The following IGFBP2 variants were observed in gnomAD, a reference collection of about 807,000 sequenced individuals.
IGFBP2 encodes the protein insulin like growth factor binding protein 2, also known as insulin-like growth factor-binding protein 2.
IGFBP2 carries 12 observed loss-of-function variants against 26.2 expected under a neutral mutation model. That is an observed-to-expected ratio of 0.46 (90% CI 0.29 to 0.74). The LOEUF (loss-of-function observed/expected upper bound fraction) is 0.74. IGFBP2 is among the 30% of genes least tolerant of loss of function. The pLI, the probability that IGFBP2 is intolerant of heterozygous loss-of-function variation, is 0.09. For synonymous variants in IGFBP2, 189 were observed against 200.6 expected (o/e 0.94, Z 0.49); for missense variants, 328 against 441.2 (o/e 0.74, Z 2.30).
chr2:216,636,911 A>ACAGGCAGGCAGG (rs770168119), intron 1 of IGFBP2, among the ~76,000 whole-genome samples: 1 of 116,290 alleles, frequency 8.6e-6, no homozygotes, highest in African/African-American at 3.4e-5. Context: ...GGGCGGGCAG[A>ACAGGCAGGCAGG]CAGGCAGGCA....
At chr2:216,644,380 G>T (rs1021719160) in intron 1 of IGFBP2, among the ~76,000 whole-genome samples, 9 of 152,228 alleles carry the variant, frequency 5.9e-5, no homozygotes, top group Admixed American at 4.6e-4. Context: ...GCCTGGGGAG[G>T]TTTCTAATTA....
chr2:216,646,180 A>C (rs1322882052), intron 1 of IGFBP2, among the ~76,000 whole-genome samples: 1 of 152,214 alleles, frequency 6.6e-6, no homozygotes, highest in East Asian at 1.9e-4. Flanking sequence ...TCAATTTGTC[A>C]GGCCTGGAAT....
chr2:216,660,551 T>C lies in IGFBP2; in HGVS notation c.443-6T>C. 1 of 1,590,222 alleles carries C rather than the reference T, an allele frequency of 6.3e-7. No homozygotes were observed. The highest frequency in any genetic ancestry group is 1.1e-5 in the South Asian group (1 of 87,212). On this transcript the variant is annotated splice_polypyrimidine_tract_variant and splice_region_variant and intron_variant, in intron 1 of 3. Coordinates refer to ENST00000233809, the MANE Select transcript of IGFBP2 (RefSeq NM_000597.3). ...TGGAGCTTTTCTTCCCTTCCTCTCT[T>C]GGCAGACAATGGCGATGACCACTCA...
In IGFBP2 at chr2:216,664,053, C is replaced by A. The variant is rs1431691157; in HGVS notation, c.927C>A (p.Phe309Leu). 2 of 1,613,828 alleles carry A rather than the reference C, an allele frequency of 1.2e-6. No homozygotes were observed. Among genetic ancestry groups the A allele is most frequent in the Non-Finnish European group, 1.7e-6 (2 of 1,179,986 alleles). ...TIRGDPECHLFYNEQQEARGV... is the reference protein window; with the variant it reads ...TIRGDPECHLLYNEQQEARGV... ...GGGGGGACCCCGAGTGTCATCTCTT[C>A]TACAATGAGCAGCAGGAGGCTCGCG... The change falls in exon 4 of 4, where the codon TTC becomes TTA. Residue 309 changes from phenylalanine (F) to leucine (L), a missense_variant. By Grantham distance (22) the Phe-to-Leu change is conservative. Transcript: ENST00000233809. The surrounding 1 kb of genome is among the most constrained non-coding windows in gnomAD (Gnocchi z 4.6).
rs200421058 is a variant in IGFBP2 at position 216,660,646 on chromosome 2, C to G, written c.532C>G (p.Arg178Gly). Residue 178 changes from arginine (R) to glycine (G), a missense_variant, in exon 2 of 4, where the codon CGG (arginine) becomes GGG (glycine). Physicochemically the swap from Arg to Gly is moderately radical, Grantham distance 125. Transcript: ENST00000233809. ...GTTGGGCGGGGGAGGCAGTGCTGGC[C>G]GGAAGCCCCTCAAGTCGGGTATGAA... ...NMLGGGGSAG[R>G]KPLKSGMKEL... 9.3e-6 allele frequency: 15 copies of G among 1,613,858 alleles called. No homozygotes were observed. The highest frequency in any genetic ancestry group is 6.7e-5 in the Admixed American group (4 of 59,994).
intron 1 of IGFBP2, among the ~76,000 whole-genome samples, chr2:216,652,655 G>A (rs1339967661): frequency 6.6e-6 from 1 of 152,210 alleles, no homozygotes; most frequent in Non-Finnish European, 1.5e-5. Context: ...GATATTAATG[G>A]AGTCGTCTAG....
intron 2 of IGFBP2, 85 bp downstream of exon 2, chr2:216,660,871 CTCA>C: frequency 1.9e-6 from 2 of 1,052,866 alleles, no homozygotes; most frequent in Non-Finnish European, 2.8e-6. Context: ...TAATAAGACC[CTCA>C]TCTGGTGTGA....
intron 1 of IGFBP2, among the ~76,000 whole-genome samples, chr2:216,640,598 C>A (rs760391393): frequency 3.3e-5 from 5 of 152,144 alleles, no homozygotes; most frequent in Non-Finnish European, 7.3e-5. Flanking sequence ...CGAGGGAGGC[C>A]GTTCTACCTC....
intron 1 of IGFBP2, among the ~76,000 whole-genome samples, chr2:216,638,071 C>T (rs1697534738): frequency 6.6e-6 from 1 of 152,082 alleles, no homozygotes; most frequent in African/African-American, 2.4e-5. Context: ...GCCTGTAGTC[C>T]CAGCTGCTTG....
At chr2:216,659,881 G>A (rs879273721) in intron 1 of IGFBP2, 13 of 757,040 alleles carry the variant, frequency 1.7e-5, no homozygotes, top group East Asian at 5.4e-5. Context: ...TAGCTGCCTC[G>A]GAGCAGCACT....
chr2:216,649,025 G>A (rs530230834), intron 1 of IGFBP2, among the ~76,000 whole-genome samples: 3 of 152,086 alleles, frequency 2.0e-5, no homozygotes, highest in South Asian at 2.1e-4. Flanking sequence ...CCACTAGCAC[G>A]CAGTACTTAC....
chr2:216,663,507 G>A (rs1256675370), intron 3 of IGFBP2: 2 of 156,308 alleles, frequency 1.3e-5, no homozygotes, highest in Non-Finnish European at 2.8e-5. Context: ...TGAACTAGCA[G>A]TGTGTCTTGC....
intron 1 of IGFBP2, among the ~76,000 whole-genome samples, chr2:216,656,359 G>A (rs539171709): frequency 2.6e-5 from 4 of 152,308 alleles, no homozygotes; most frequent in East Asian, 1.9e-4. Flanking sequence ...GAAGGGTAGC[G>A]GAGGGGTCTT....
In IGFBP2 at chr2:216,653,998, C is replaced by T. The variant is rs149293079; in HGVS notation, c.443-6559C>T. 1.1e-4 allele frequency among the ~76,000 whole-genome samples: 16 copies of T among 152,264 alleles called. No homozygotes were observed. The East Asian group carries it at 2.5e-3, about 24-fold the overall frequency. On this transcript the variant is annotated intron_variant, in intron 1 of 3. Coordinates refer to ENST00000233809, the MANE Select transcript of IGFBP2 (RefSeq NM_000597.3). The stretch of plus-strand genomic sequence containing the variant: ...TGCTAAGAACCATTTCTTATAGTGA[C>T]CTTTGCACCATAGCCCATGGAGTTG...
At chr2:216,639,932 T>G (rs528045949) in intron 1 of IGFBP2, among the ~76,000 whole-genome samples, 2 of 152,300 alleles carry the variant, frequency 1.3e-5, no homozygotes, top group South Asian at 2.1e-4. Context: ...CGTGAACCAC[T>G]GCACCTGGCC....
intron 1 of IGFBP2, among the ~76,000 whole-genome samples, chr2:216,648,581 G>A (rs973445838): frequency 4.6e-5 from 7 of 152,120 alleles, no homozygotes; most frequent in African/African-American, 1.7e-4. Flanking sequence ...AAGATGAGGG[G>A]TGGTTGGTGT....
chr2:216,642,908 C>G (rs1697644172), intron 1 of IGFBP2, among the ~76,000 whole-genome samples: 1 of 152,184 alleles, frequency 6.6e-6, no homozygotes. Flanking sequence ...GGCTACATCT[C>G]TGGGTGGGGG....
intron 2 of IGFBP2, chr2:216,661,518 A>C: frequency 2.5e-6 from 1 of 398,206 alleles, no homozygotes; most frequent in Non-Finnish European, 4.8e-6. Flanking sequence ...AAAGAAGTGG[A>C]GCTTGGGCAT....
chr2:216,633,703 G>A lies in IGFBP2; in HGVS notation c.180G>A (p.Pro60=), dbSNP rs1697434575. The change falls in exon 1 of 4, where the codon CCG becomes CCA. Residue 60 remains proline, a synonymous_variant. Transcript: ENST00000233809. ...LAACGPPPVA[P]PAAVAAVAGG... ...CCTGCGGGCCCCCGCCGGTTGCGCCGCCCGCCGCGGTGGCCGCAGTGGCCG... is the reference window on the plus strand; with the variant it reads ...CCTGCGGGCCCCCGCCGGTTGCGCCACCCGCCGCGGTGGCCGCAGTGGCCG... 8.4e-7 allele frequency: 1 copy of A among 1,186,558 alleles called. No individual in the cohort carries two copies. Among genetic ancestry groups the A allele is most frequent in the Non-Finnish European group, 1.0e-6 (1 of 960,544 alleles). 73.5% of individuals were successfully genotyped at this position (1,186,558 alleles called of 1,614,324 possible).
Sources: allele counts gnomAD v4.1 joint callset (sites outside exome capture counted in the v4.1 genomes callset), GRCh38; gene constraint gnomAD v4.1.1; non-coding constraint Gnocchi (gnomAD v3.1); transcripts MANE v1.5; gene names NCBI Gene and HGNC (gene_info 2026-07-23, HGNC 2026-07-21).